Variants in DOCK3 observed in about 807,000 individuals in gnomAD.
DOCK3 encodes dedicator of cytokinesis protein 3.
DOCK3 carries 60 observed loss-of-function variants against 265.6 expected under a neutral mutation model. That is an observed-to-expected ratio of 0.23 (90% CI 0.18 to 0.28). The LOEUF (loss-of-function observed/expected upper bound fraction) is 0.28. DOCK3 is among the 10% of genes least tolerant of loss of function. The pLI is 1.00. For synonymous variants in DOCK3, 881 were observed against 938.0 expected, an observed-to-expected ratio of 0.94 and a Z score of 1.11; for missense variants, 1,981 against 2,594.3, an observed-to-expected ratio of 0.76 and a Z score of 5.14.
chr3:51,108,491 A>G (rs1174634027), intron 9 of DOCK3, among the ~76,000 whole-genome samples: 1 of 152,200 alleles, frequency 6.6e-6, no homozygotes. Flanking sequence ...GTTAGCAAAT[A>G]GCTTAAACAA....
At chr3:51,338,818 C>A in intron 36 of DOCK3, 117 bp from the exon 37 acceptor site, 1 of 810,406 alleles carries the variant, frequency 1.2e-6, no homozygotes, top group Non-Finnish European at 2.0e-6. Context: ...GTGCTGTCTG[C>A]CTCCAGGGCC....
At chr3:51,117,291 C>T (rs1436491333) in intron 9 of DOCK3, among the ~76,000 whole-genome samples, 1 of 152,156 alleles carries the variant, frequency 6.6e-6, no homozygotes, top group Non-Finnish European at 1.5e-5. Flanking sequence ...GTTGAATCAG[C>T]CTTGCCTCCC....
intron 5 of DOCK3, among the ~76,000 whole-genome samples, chr3:50,942,500 A>G (rs2076323492): frequency 6.6e-6 from 1 of 152,012 alleles, no homozygotes; most frequent in Admixed American, 6.6e-5. Flanking sequence ...ATTGACTCCA[A>G]AAACAGTAAT....
chr3:51,050,313 A>G (rs2080946467), intron 5 of DOCK3, among the ~76,000 whole-genome samples: 1 of 152,104 alleles, frequency 6.6e-6, no homozygotes, highest in African/African-American at 2.4e-5. Flanking sequence ...CTTGACCTTA[A>G]GAGTTTGAGG....
At chr3:50,877,879 G>A (rs1282798495) in intron 3 of DOCK3, among the ~76,000 whole-genome samples, 4 of 152,094 alleles carry the variant, frequency 2.6e-5, no homozygotes, top group African/African-American at 9.7e-5. Context: ...CCCAATAGAG[G>A]CTGACTGACA....
chr3:51,179,800 T>C (rs575182581), intron 12 of DOCK3, among the ~76,000 whole-genome samples: 11 of 151,770 alleles, frequency 7.2e-5, no homozygotes, highest in African/African-American at 2.7e-4. Context: ...TAGTCCTAGC[T>C]CTTTTGGAGG....
intron 49 of DOCK3, among the ~76,000 whole-genome samples, chr3:51,363,698 C>T (rs996102227): frequency 6.6e-6 from 1 of 152,178 alleles, no homozygotes; most frequent in Non-Finnish European, 1.5e-5. Flanking sequence ...CAAGTGTTCT[C>T]ATTGTTCAGT....
intron 5 of DOCK3, among the ~76,000 whole-genome samples, chr3:51,014,743 A>G (rs1376483274): frequency 6.6e-6 from 1 of 152,142 alleles, no homozygotes; most frequent in Non-Finnish European, 1.5e-5. Context: ...TGCTTTGGGT[A>G]GTATGGACGT....
intron 32 of DOCK3, among the ~76,000 whole-genome samples, chr3:51,329,617 G>A (rs1576824420): frequency 6.6e-6 from 1 of 152,158 alleles, no homozygotes; most frequent in East Asian, 1.9e-4. Context: ...ACAAACAGTA[G>A]AGCCTGTTAT....
intron 49 of DOCK3, among the ~76,000 whole-genome samples, chr3:51,370,739 C>T (rs1318978534): frequency 6.6e-6 from 1 of 152,244 alleles, no homozygotes; most frequent in Non-Finnish European, 1.5e-5. Context: ...AAGCCACCCC[C>T]AAAACTTCTT....
chr3:51,173,872 A>G (rs955146694), intron 12 of DOCK3, among the ~76,000 whole-genome samples: 6 of 152,138 alleles, frequency 3.9e-5, no homozygotes, highest in South Asian at 4.1e-4. Flanking sequence ...TTTTCAGCCA[A>G]TATTTCTTTA....
At chr3:51,054,090 C>A (rs1335469383) in intron 5 of DOCK3, among the ~76,000 whole-genome samples, 1 of 133,476 alleles carries the variant, frequency 7.5e-6, no homozygotes. Flanking sequence ...TAAACTTCCT[C>A]ATTTGGTGAA....
At chr3:50,858,596 C>A (rs531079044) in intron 3 of DOCK3, among the ~76,000 whole-genome samples, 1 of 152,086 alleles carries the variant, frequency 6.6e-6, no homozygotes, top group African/African-American at 2.4e-5. Context: ...TTCTTTTATT[C>A]AAACCTTGGA....
chr3:51,160,791 G>C, intron 12 of DOCK3, 89 bp downstream of exon 12: 1 of 1,474,898 alleles, frequency 6.8e-7, no homozygotes, highest in South Asian at 1.4e-5. Flanking sequence ...AAACCTTGTG[G>C]ACACAGGCCA....
At chr3:50,933,025 C>G (rs1376939307) in intron 4 of DOCK3, among the ~76,000 whole-genome samples, 1 of 152,152 alleles carries the variant, frequency 6.6e-6, no homozygotes, top group Non-Finnish European at 1.5e-5. Flanking sequence ...TGGCAGCAGA[C>G]AAGAGAGCAT....
Position 51,075,388 on chromosome 3 carries a change from A to G in DOCK3, c.497A>G (p.Asp166Gly). Residue 166 changes from aspartate to glycine, a missense_variant, in exon 7 of 53, where the codon GAC (aspartate) becomes GGC (glycine). This residue lies in a region of DOCK3 where 456 missense variants were observed against 539.0 expected (regional missense o/e 0.85). Transcript: ENST00000266037. ...HLGLDLVPRK[D>G]FEVVDSDQIS... ...GGCCTGGACCTGGTGCCTCGGAAGGACTTTGAAGTAGTGGACTCGGACCAG... is the reference window on the plus strand; with the variant it reads ...GGCCTGGACCTGGTGCCTCGGAAGGGCTTTGAAGTAGTGGACTCGGACCAG... The G allele has an allele frequency of 6.2e-7, 1 of 1,611,506 alleles. No individual in the cohort carries two copies. Among genetic ancestry groups the G allele is most frequent in the Non-Finnish European group, 8.5e-7 (1 of 1,178,966 alleles).
intron 27 of DOCK3, among the ~76,000 whole-genome samples, chr3:51,297,293 G>A (rs987376776): frequency 3.9e-5 from 6 of 152,056 alleles, no homozygotes; most frequent in Non-Finnish European, 8.8e-5. Flanking sequence ...TAGTTTCGTA[G>A]ATATAACACC....
At chr3:50,717,458 T>C (rs1213117287) in intron 1 of DOCK3, among the ~76,000 whole-genome samples, 1 of 152,214 alleles carries the variant, frequency 6.6e-6, no homozygotes, top group Non-Finnish European at 1.5e-5. Flanking sequence ...CATATATTTA[T>C]GTATGTGTGT....
At chr3:51,122,931 G>A (rs1015681041) in intron 9 of DOCK3, among the ~76,000 whole-genome samples, 1 of 152,198 alleles carries the variant, frequency 6.6e-6, no homozygotes. Flanking sequence ...TTTACATCCT[G>A]CTTCAGAGGA....
Sources: allele counts gnomAD v4.1 joint callset (sites outside exome capture counted in the v4.1 genomes callset), GRCh38; gene constraint gnomAD v4.1.1; regional missense constraint gnomAD v4.1.1; transcripts MANE v1.5; gene names NCBI Gene and HGNC (gene_info 2026-07-23, HGNC 2026-07-21).